The following SPATA16 variants were observed in gnomAD, a reference collection of about 807,000 sequenced individuals.
The protein encoded by SPATA16 is spermatogenesis-associated protein 16.
Under a neutral mutation model 63.3 loss-of-function variants are expected in SPATA16, and 36 were observed. The ratio of observed to expected loss-of-function variants is 0.57; its 90% confidence interval spans 0.44 to 0.75. The LOEUF (loss-of-function observed/expected upper bound fraction) is 0.75. SPATA16 is among the 30% of genes least tolerant of loss of function. The probability of loss-of-function intolerance (pLI) is 0.00; values close to 1 mark genes in which losing one functional copy is unlikely to be tolerated. For synonymous variants in SPATA16, 203 were observed against 216.7 expected (o/e 0.94, Z 0.56); for missense variants, 646 against 679.3 (o/e 0.95, Z 0.54).
chr3:172,978,343 C>T (rs1330898830), intron 4 of SPATA16, among the ~76,000 whole-genome samples: 2 of 151,972 alleles, frequency 1.3e-5, no homozygotes, highest in East Asian at 3.9e-4. Flanking sequence ...GGGACAGAAA[C>T]AAGTTATAAA....
At chr3:173,074,852 G>T (rs188293344) in intron 2 of SPATA16, among the ~76,000 whole-genome samples, 7 of 152,006 alleles carry the variant, frequency 4.6e-5, no homozygotes, top group Non-Finnish European at 1.0e-4. Context: ...ACACAAATTA[G>T]CCGGGCATAG....
chr3:173,135,116 CAGA>C (rs1380020856), intron 1 of SPATA16, among the ~76,000 whole-genome samples: 1 of 152,130 alleles, frequency 6.6e-6, no homozygotes, highest in African/African-American at 2.4e-5. Flanking sequence ...TGAAAGAAGA[CAGA>C]AGAAGACCCA....
At chr3:173,099,096 C>T (rs1011943087) in intron 2 of SPATA16, among the ~76,000 whole-genome samples, 29 of 152,184 alleles carry the variant, frequency 1.9e-4, no homozygotes, top group African/African-American at 6.5e-4. Context: ...AGATAATCCT[C>T]CTTCTGACAT....
At chr3:173,097,613 G>A (rs745525035) in intron 2 of SPATA16, among the ~76,000 whole-genome samples, 13 of 152,176 alleles carry the variant, frequency 8.5e-5, no homozygotes, top group Admixed American at 2.0e-4. Flanking sequence ...AACATGTTGC[G>A]TCAGCAAGCA....
At chr3:173,065,921 A>T (rs571825172) in intron 2 of SPATA16, among the ~76,000 whole-genome samples, 1 of 152,306 alleles carries the variant, frequency 6.6e-6, no homozygotes, top group Admixed American at 6.5e-5. Flanking sequence ...TCAGGCTACA[A>T]GGACCGCCGT....
intron 4 of SPATA16, among the ~76,000 whole-genome samples, chr3:172,981,712 C>T (rs1734324122): frequency 6.6e-6 from 1 of 152,182 alleles, no homozygotes. Flanking sequence ...TACTTATCAC[C>T]ATTCAACATA....
intron 6 of SPATA16, among the ~76,000 whole-genome samples, chr3:172,928,076 A>G (rs764975163): frequency 1.3e-5 from 2 of 151,790 alleles, no homozygotes; most frequent in Non-Finnish European, 2.9e-5. Context: ...CACCCAGCTA[A>G]TTTTGTATTT....
chr3:172,990,638 C>A (rs537876787), intron 4 of SPATA16, among the ~76,000 whole-genome samples: 39 of 152,218 alleles, frequency 2.6e-4, no homozygotes, highest in African/African-American at 9.1e-4. Context: ...GGCACTCTGG[C>A]TGATGATGGG....
At chr3:172,919,674 T>A (rs940964825) in intron 8 of SPATA16, among the ~76,000 whole-genome samples, 82 of 152,072 alleles carry the variant, frequency 5.4e-4, no homozygotes, top group African/African-American at 1.5e-3. Flanking sequence ...TAATTTTTTT[T>A]AATTCTTTAT....
intron 4 of SPATA16, among the ~76,000 whole-genome samples, chr3:172,978,059 A>G (rs1356070948): frequency 6.6e-6 from 1 of 152,032 alleles, no homozygotes; most frequent in African/African-American, 2.4e-5. Flanking sequence ...AGGACAGACA[A>G]AAATTAGGAC....
intron 4 of SPATA16, among the ~76,000 whole-genome samples, chr3:172,994,669 G>A (rs1170652837): frequency 1.3e-5 from 2 of 151,976 alleles, no homozygotes; most frequent in Non-Finnish European, 2.9e-5. Context: ...AGCCATTTAA[G>A]GTAATTAATC....
intron 1 of SPATA16, among the ~76,000 whole-genome samples, chr3:173,126,671 G>C (rs956185231): frequency 2.4e-4 from 36 of 152,178 alleles, no homozygotes; most frequent in Non-Finnish European, 5.0e-4. Context: ...AAGTATAGAG[G>C]TGAAGAATCT....
At chr3:173,125,085 G>A (rs771324915) in intron 1 of SPATA16, among the ~76,000 whole-genome samples, 2 of 151,904 alleles carry the variant, frequency 1.3e-5, no homozygotes, top group African/African-American at 4.8e-5. Context: ...CAATACCAGC[G>A]GGTCTCCTAA....
intron 3 of SPATA16, among the ~76,000 whole-genome samples, chr3:173,039,022 G>A (rs1735779312): frequency 6.6e-6 from 1 of 151,972 alleles, no homozygotes; most frequent in South Asian, 2.1e-4. Flanking sequence ...TCTGAAGTTT[G>A]TTTCCCTACA....
intron 10 of SPATA16, among the ~76,000 whole-genome samples, chr3:172,912,584 A>T (rs1346252069): frequency 6.6e-6 from 1 of 152,140 alleles, no homozygotes; most frequent in Non-Finnish European, 1.5e-5. Context: ...CCAATTCGAC[A>T]TGAAGACAAC....
At chr3:173,070,354 C>G (rs1736640333) in intron 2 of SPATA16, among the ~76,000 whole-genome samples, 1 of 137,336 alleles carries the variant, frequency 7.3e-6, no homozygotes, top group South Asian at 2.4e-4. Flanking sequence ...AAGAGCATGT[C>G]AATGCATTCC....
At chr3:173,120,168 C>T (rs1448634391) in intron 1 of SPATA16, among the ~76,000 whole-genome samples, 1 of 151,776 alleles carries the variant, frequency 6.6e-6, no homozygotes, top group Non-Finnish European at 1.5e-5. Flanking sequence ...TGTGGCTACT[C>T]ATTAGCAAGA....
At chr3:173,062,876 C>A (rs1452253471) in intron 2 of SPATA16, among the ~76,000 whole-genome samples, 3 of 152,154 alleles carry the variant, frequency 2.0e-5, no homozygotes, top group Non-Finnish European at 4.4e-5. Context: ...TTAGCTAGAT[C>A]CCTCGCATAT....
intron 10 of SPATA16, among the ~76,000 whole-genome samples, chr3:172,902,014 T>TTAGGG (rs1269402883): frequency 6.6e-6 from 1 of 152,122 alleles, no homozygotes; most frequent in Non-Finnish European, 1.5e-5. Context: ...CACTACCCTG[T>TTAGGG]TAGGGTAGGA....
Sources: gnomAD v4.1 joint callset for allele counts (sites outside exome capture counted in the v4.1 genomes callset) on GRCh38, gnomAD v4.1.1 for gene constraint, MANE v1.5 for transcripts, NCBI Gene and HGNC (gene_info 2026-07-23, HGNC 2026-07-21) for gene names.